Variants in FAF1 observed in about 807,000 individuals in gnomAD.
FAF1 encodes FAS-associated factor 1.
In FAF1, 25 loss-of-function variants were observed where a neutral mutation model predicts 92.5. That is an observed-to-expected ratio of 0.27 (90% CI 0.20 to 0.38). The LOEUF is 0.38. FAF1 is among the 10% of genes least tolerant of loss of function. FAF1 has a pLI of 1.00. For missense variants in FAF1, 636 were observed against 793.3 expected (o/e 0.80, Z 2.38); for synonymous variants, 234 against 273.2 (o/e 0.86, Z 1.42).
At chr1:50,764,896 C>T (rs1430871546) in intron 4 of FAF1, among the ~76,000 whole-genome samples, 1 of 152,160 alleles carries the variant, frequency 6.6e-6, no homozygotes, top group Non-Finnish European at 1.5e-5. Flanking sequence ...CACATTAATT[C>T]AATTTTACAT....
intron 4 of FAF1, among the ~76,000 whole-genome samples, chr1:50,774,122 A>G (rs1485217186): frequency 1.3e-5 from 2 of 152,226 alleles, no homozygotes; most frequent in African/African-American, 4.8e-5. Context: ...AACAGACATC[A>G]GTTTGCAGGT....
rs149338408 is a variant in FAF1 at position 50,954,321 on chromosome 1, T to C, written c.45+5446A>G. On this transcript the variant is annotated intron_variant, in intron 1 of 18. Coordinates refer to ENST00000396153, the MANE Select transcript of FAF1 (RefSeq NM_007051.3). ...AGAGTTGTTCTTTTTCTTTCTTCAC[T>C]TGAGTACAGCTATGATGTCTGCCTC... Among the ~76,000 whole-genome samples, 91 of 152,256 alleles carry C rather than the reference T, an allele frequency of 6.0e-4. No individual in the cohort carries two copies. The East Asian group carries it at 0.014, about 24-fold the overall frequency.
rs987261549 is a variant in FAF1 at position 50,478,225 on chromosome 1, G to A, written c.1654-2546C>T. Among the ~76,000 whole-genome samples the A allele has an allele frequency of 4.2e-4, 64 of 150,910 alleles. 4 individuals are homozygous for A. The highest frequency in any genetic ancestry group is 2.4e-4 in the African/African-American group (10 of 40,942). The stretch of plus-strand genomic sequence containing the variant: ...GTCGCCCAGGCTGGAGTGTGATGGC[G>A]CAATCTCGGCTCTCTGCAACCTCCG... On this transcript the variant is annotated intron_variant, in intron 17 of 18. Transcript: ENST00000396153.
chr1:50,701,090 T>C (rs1245343471), intron 7 of FAF1, among the ~76,000 whole-genome samples: 3 of 152,144 alleles, frequency 2.0e-5, no homozygotes, highest in Non-Finnish European at 4.4e-5. Context: ...TTCTGAAAGC[T>C]GAATAAAGGC....
At position 50,520,774 on chromosome 1, in the gene FAF1, G is replaced by T. The variant is rs189011155; in HGVS notation, c.1494+14595C>A. Among the ~76,000 whole-genome samples the T allele has an allele frequency of 2.5e-4, 38 of 152,320 alleles. No individual in the cohort carries two copies. The East Asian group carries it at 7.1e-3, about 29-fold the overall frequency. ...GCAGGAGGATTGCTTCAGCCTGGGAGGTCGAGGCTGCAGTGAGCCCTGACT... is the reference window on the plus strand; with the variant it reads ...GCAGGAGGATTGCTTCAGCCTGGGATGTCGAGGCTGCAGTGAGCCCTGACT... On this transcript the variant is annotated intron_variant, in intron 15 of 18. Transcript: ENST00000396153.
At chr1:50,626,977 A>G (rs2124194969) in intron 8 of FAF1, among the ~76,000 whole-genome samples, 1 of 152,260 alleles carries the variant, frequency 6.6e-6, no homozygotes, top group Admixed American at 6.5e-5. Context: ...GTGGAACTGG[A>G]TGGATTGTGA....
chr1:50,845,893 C>T (rs772231539), intron 2 of FAF1, among the ~76,000 whole-genome samples: 123 of 152,018 alleles, frequency 8.1e-4, no homozygotes, highest in Non-Finnish European at 1.3e-3. Flanking sequence ...GAGGTCAAGA[C>T]GGGTGGATCA....
chr1:50,562,928 T>C (rs1213665698), intron 13 of FAF1, among the ~76,000 whole-genome samples: 4 of 152,242 alleles, frequency 2.6e-5, no homozygotes, highest in African/African-American at 9.6e-5. Context: ...AAATTGTGTC[T>C]ATACTGAACA....
At chr1:50,885,312 T>TCTCTCTCACA (rs906105476) in intron 1 of FAF1, among the ~76,000 whole-genome samples, 5 of 137,370 alleles carry the variant, frequency 3.6e-5, no homozygotes, top group African/African-American at 1.4e-4. Context: ...TCTCTCTCTC[T>TCTCTCTCACA]CACACACACA....
At chr1:50,918,610 G>C (rs1644939134) in intron 1 of FAF1, among the ~76,000 whole-genome samples, 1 of 41,918 alleles carries the variant, frequency 2.4e-5, no homozygotes, top group Non-Finnish European at 4.7e-5. Context: ...CATTTGGGTT[G>C]GTTCCAAGTC....
At chr1:50,554,396 G>T (rs1156999406) in intron 13 of FAF1, among the ~76,000 whole-genome samples, 52 of 136,388 alleles carry the variant, frequency 3.8e-4, no homozygotes, top group East Asian at 6.5e-4. Context: ...TATATAGAGA[G>T]AGAGAGAGAG....
rs1035098037 is a variant in FAF1 at position 50,796,683 on chromosome 1, G to A, written c.161+4948C>T. 4.6e-5 allele frequency among the ~76,000 whole-genome samples: 7 copies of A among 152,054 alleles called. No individual in the cohort carries two copies. The South Asian group carries it at 6.2e-4, about 14-fold the overall frequency. On this transcript the variant is annotated intron_variant, in intron 3 of 18. Coordinates refer to ENST00000396153, the MANE Select transcript of FAF1 (RefSeq NM_007051.3). ...GCTCTTTCCCTGGGCTCCTTTCCTC[G>A]TCAAGCAGAAGGAACCACCCATACC...
intron 4 of FAF1, among the ~76,000 whole-genome samples, chr1:50,769,046 A>G (rs902777131): frequency 1.4e-5 from 2 of 148,058 alleles, no homozygotes; most frequent in Non-Finnish European, 1.5e-5. Flanking sequence ...AAGTAGACTT[A>G]AAAAAAAAAC....
chr1:50,903,388 T>C (rs1188030196), intron 1 of FAF1, among the ~76,000 whole-genome samples: 3 of 152,178 alleles, frequency 2.0e-5, no homozygotes, highest in African/African-American at 7.2e-5. Context: ...ACTGTGTCTT[T>C]ATATAGTCTC....
At chr1:50,748,920 T>C (rs1659736750) in intron 4 of FAF1, among the ~76,000 whole-genome samples, 2 of 152,204 alleles carry the variant, frequency 1.3e-5, no homozygotes, top group African/African-American at 4.8e-5. Flanking sequence ...AAGTAAGCAA[T>C]GCTACAATGC....
At chr1:50,562,620 AACTCTGTATAAAGTTCATCTAT>A (rs1649976628) in intron 13 of FAF1, among the ~76,000 whole-genome samples, 2 of 152,174 alleles carry the variant, frequency 1.3e-5, no homozygotes, top group Non-Finnish European at 2.9e-5. Context: ...TGGGTACAGC[AACTCTGTATAAAGTTCATCTAT>A]ACTCCTAAAG....
Position 50,500,818 on chromosome 1 carries a change from T to C in FAF1, c.1495-9017A>G, listed in dbSNP as rs898696929. On this transcript the variant is annotated intron_variant, in intron 15 of 18. Transcript: ENST00000396153. ...TTAAAAATCAAAGTTAAAAATTAAA[T>C]GTGAGGTATGTAGAAGACAAATATT... 3.3e-5 allele frequency among the ~76,000 whole-genome samples: 5 copies of C among 152,072 alleles called. No homozygotes were observed. The East Asian group carries it at 5.8e-4, about 18-fold the overall frequency.
At chr1:50,823,321 G>A (rs2124622855) in intron 2 of FAF1, among the ~76,000 whole-genome samples, 1 of 152,274 alleles carries the variant, frequency 6.6e-6, no homozygotes, top group South Asian at 2.1e-4. Context: ...ACAAAGAACT[G>A]TGCTGGGTAT....
At chr1:50,519,981 A>G (rs1647418392) in intron 15 of FAF1, among the ~76,000 whole-genome samples, 1 of 152,216 alleles carries the variant, frequency 6.6e-6, no homozygotes, top group African/African-American at 2.4e-5. Context: ...AAAGGAATGC[A>G]TCATCCATAT....
Sources: gnomAD v4.1 joint callset for allele counts (sites outside exome capture counted in the v4.1 genomes callset) on GRCh38, gnomAD v4.1.1 for gene constraint, MANE v1.5 for transcripts, NCBI Gene and HGNC (gene_info 2026-07-23, HGNC 2026-07-21) for gene names.